Variants in YWHAZ observed in about 807,000 individuals in gnomAD.
The protein encoded by YWHAZ is 14-3-3 protein zeta/delta.
For synonymous variants in YWHAZ, 87 were observed against 103.6 expected (o/e 0.84, Z 0.97); for missense variants, 79 against 284.8 (o/e 0.28, Z 5.20).
chr8:100,950,940 C>A, intron 1 of YWHAZ: 1 of 176,068 alleles, frequency 5.7e-6, no homozygotes, highest in Non-Finnish European at 1.1e-5. Context: ...CGTCCCCAAA[C>A]CGAGCGCAGG....
rs1426717826 is a variant in YWHAZ, at chr8:100,951,412, G to A, written c.-12+517C>T. 54 of 981,834 alleles carry A rather than the reference G, an allele frequency of 5.5e-5. No individual in the cohort carries two copies. In the South Asian group the frequency reaches 1.0e-3, roughly 19 times the overall value. 60.8% of individuals were successfully genotyped at this position (981,834 alleles called of 1,614,324 possible). A position where few individuals can be genotyped will look rare whatever the true frequency, so the allele number is the denominator to read the frequency against. On this transcript the variant is annotated intron_variant, in intron 1 of 5. Coordinates refer to ENST00000395958, the MANE Select transcript of YWHAZ (RefSeq NM_145690.3). ...GCGCGGAGGCTGCGCGAGGGGGAGG[G>A]AAAGGAGGGGGCGGCCGAGGGAGAG...
chr8:100,951,931 G>A lies in YWHAZ; in HGVS notation c.-14C>T. On this transcript the variant is annotated splice_region_variant and 5_prime_UTR_variant, in exon 1 of 6. Coordinates refer to ENST00000395958, the MANE Select transcript of YWHAZ (RefSeq NM_145690.3). ...GCGGCGGCGGCCGGGTTCCTCACCT[G>A]TGTCCGGAGTGGGTGGTGGCGGCGG... 1.0e-6 allele frequency: 1 copy of A among 1,000,410 alleles called. No individual in the cohort carries two copies. Among genetic ancestry groups the A allele is most frequent in the Non-Finnish European group, 1.2e-6 (1 of 840,170 alleles). The allele number at this position is 1,000,410 out of a possible 1,614,324, so 62.0% of individuals were successfully genotyped here.
upstream of YWHAZ, chr8:100,953,341 C>A (rs1810931165): frequency 1.0e-6 from 1 of 985,346 alleles, no homozygotes; most frequent in Non-Finnish European, 1.2e-6. Context: ...TGGGAGTGGG[C>A]CACAGGCCGG....
At chr8:100,951,782 C>A in intron 1 of YWHAZ, 147 bp downstream of exon 1, 3 of 985,332 alleles carry the variant, frequency 3.0e-6, no homozygotes, top group South Asian at 4.7e-5. Flanking sequence ...AGCCGCCGCC[C>A]GTGTCCGCTG....
At chr8:100,921,388 A>G (rs1813017103) in intron 5 of YWHAZ, among the ~76,000 whole-genome samples, 1 of 152,172 alleles carries the variant, frequency 6.6e-6, no homozygotes. Flanking sequence ...GAGCCCCAAT[A>G]TGAAAGATGG....
At chr8:100,947,423 A>C (rs923392446) in intron 2 of YWHAZ, among the ~76,000 whole-genome samples, 9 of 152,160 alleles carry the variant, frequency 5.9e-5, no homozygotes, top group Non-Finnish European at 1.2e-4. Flanking sequence ...AGAACAAAAA[A>C]ATGCCCCAAG....
At chr8:100,953,315 G>C, upstream of YWHAZ, 1 of 985,616 alleles carries the variant, frequency 1.0e-6, no homozygotes, top group Non-Finnish European at 1.2e-6. Flanking sequence ...GTAGTCCCCA[G>C]GGTTCCAGCT....
At chr8:100,930,567 A>T (rs969881903) in intron 2 of YWHAZ, among the ~76,000 whole-genome samples, 5 of 152,344 alleles carry the variant, frequency 3.3e-5, no homozygotes, top group African/African-American at 7.2e-5. Context: ...TAATCTGTTG[A>T]ATCTTCCTGA....
chr8:100,916,733 A>T lies in YWHAZ; in HGVS notation c.*3960T>A, dbSNP rs1238645379. ...ATTATGCTTAAATATATTAACTTGTAACTGCTTCTGCATCCCAGAGACATA... is the reference window on the plus strand; with the variant it reads ...ATTATGCTTAAATATATTAACTTGTTACTGCTTCTGCATCCCAGAGACATA... On this transcript the variant is annotated 3_prime_UTR_variant, in exon 6 of 6. Coordinates refer to ENST00000395958, the MANE Select transcript of YWHAZ (RefSeq NM_145690.3). The T allele has an allele frequency of 6.6e-6, 1 of 152,234 alleles. No homozygotes were observed. The highest frequency in any genetic ancestry group is 1.5e-5 in the Non-Finnish European group (1 of 68,040). 9.4% of individuals were successfully genotyped at this position (152,234 alleles called of 1,614,324 possible). A position where few individuals can be genotyped will look rare whatever the true frequency, so the allele number is the denominator to read the frequency against.
At chr8:100,940,554 G>A (rs1018929082) in intron 2 of YWHAZ, among the ~76,000 whole-genome samples, 1 of 152,124 alleles carries the variant, frequency 6.6e-6, no homozygotes, top group African/African-American at 2.4e-5. Context: ...ATAGCAAGTT[G>A]TCAAATATTA....
At chr8:100,945,570 T>G (rs1367675279) in intron 2 of YWHAZ, among the ~76,000 whole-genome samples, 1 of 152,114 alleles carries the variant, frequency 6.6e-6, no homozygotes, top group Non-Finnish European at 1.5e-5. Context: ...AATTGATTTT[T>G]TATCATGTAA....
chr8:100,934,126 T>C (rs1486003194), intron 2 of YWHAZ, among the ~76,000 whole-genome samples: 1 of 115,038 alleles, frequency 8.7e-6, no homozygotes, highest in Non-Finnish European at 1.6e-5. Flanking sequence ...GCCAAAGCAC[T>C]CCAGCCTGGG....
chr8:100,921,415 CAACTATACCAGAAGCATCT>C (rs554065766), intron 5 of YWHAZ, among the ~76,000 whole-genome samples: 2 of 152,236 alleles, frequency 1.3e-5, no homozygotes, highest in East Asian at 3.9e-4. Flanking sequence ...AAGGTGAGTG[CAACTATACCAGAAGCATCT>C]AATTTGGCCC....
intron 2 of YWHAZ, among the ~76,000 whole-genome samples, chr8:100,938,125 CAT>C (rs1349079872): frequency 2.0e-5 from 3 of 152,106 alleles, no homozygotes; most frequent in Non-Finnish European, 4.4e-5. Flanking sequence ...AGTCAAACTC[CAT>C]CTCAAACAAC....
upstream of YWHAZ, chr8:100,952,708 C>A: frequency 2.3e-6 from 2 of 852,104 alleles, no homozygotes; most frequent in Non-Finnish European, 2.8e-6. Flanking sequence ...GGCCCCGGGG[C>A]GGGGGCAGGG....
chr8:100,944,629 T>C (rs1810129164), intron 2 of YWHAZ, among the ~76,000 whole-genome samples: 1 of 152,206 alleles, frequency 6.6e-6, no homozygotes, highest in Non-Finnish European at 1.5e-5. Context: ...ATACACAATT[T>C]TAAAGGCTTC....
chr8:100,945,911 G>A (rs1486509753), intron 2 of YWHAZ, among the ~76,000 whole-genome samples: 1 of 151,872 alleles, frequency 6.6e-6, no homozygotes, highest in African/African-American at 2.4e-5. Context: ...TCTATTACAC[G>A]TTGAGTATGC....
chr8:100,951,416 G>A (rs1481133015), intron 1 of YWHAZ: 11 of 979,508 alleles, frequency 1.1e-5, no homozygotes, highest in East Asian at 2.3e-4. Flanking sequence ...GGGAGGGAAA[G>A]GAGGGGGCGG....
rs1812796480 is a variant in YWHAZ, at chr8:100,918,406, CTTTATA to C, written c.*2281_*2286del. 1 of 19,618 alleles carries C rather than the reference CTTTATA, an allele frequency of 5.1e-5. No homozygotes were observed. The highest frequency in any genetic ancestry group is 1.3e-4 in the African/African-American group (1 of 7,578). The allele number at this position is 19,618 out of a possible 1,614,324, so 1.2% of individuals were successfully genotyped here. A position where few individuals can be genotyped will look rare whatever the true frequency, so the allele number is the denominator to read the frequency against. The stretch of plus-strand genomic sequence containing the variant: ...TCAGTCTAGCTATAAAATATAATTA[CTTTATA>C]TATATATATATATATATATATATAT... On this transcript the variant is annotated 3_prime_UTR_variant, in exon 6 of 6. Coordinates refer to ENST00000395958, the MANE Select transcript of YWHAZ (RefSeq NM_145690.3).
Sources: allele counts gnomAD v4.1 joint callset (sites outside exome capture counted in the v4.1 genomes callset), GRCh38; gene constraint gnomAD v4.1.1; transcripts MANE v1.5; gene names NCBI Gene and HGNC (gene_info 2026-07-23, HGNC 2026-07-21).